Variants in CD80 observed in about 807,000 individuals in gnomAD.
CD80 encodes T-lymphocyte activation antigen CD80.
A neutral mutation model predicts 27.1 loss-of-function variants in CD80; 13 were observed. The observed-to-expected ratio is 0.48, with a 90% CI of 0.31 to 0.76. The LOEUF (loss-of-function observed/expected upper bound fraction) is 0.76, where lower values mean the gene tolerates loss of function less well. CD80 is among the 30% of genes least tolerant of loss of function. The pLI, the probability that CD80 is intolerant of heterozygous loss-of-function variation, is 0.04. For synonymous variants in CD80, 125 were observed against 125.5 expected (o/e 1.00, Z 0.03); for missense variants, 277 against 347.9 (o/e 0.80, Z 1.62).
intron 3 of CD80, among the ~76,000 whole-genome samples, chr3:119,541,207 C>A (rs148314374): frequency 1.1e-4 from 17 of 152,268 alleles, no homozygotes; most frequent in African/African-American, 4.1e-4. Flanking sequence ...CTTTGTATCT[C>A]ATTTTAATTA....
At chr3:119,558,397 C>A (rs550140057) in intron 1 of CD80, among the ~76,000 whole-genome samples, 1 of 152,166 alleles carries the variant, frequency 6.6e-6, no homozygotes, top group South Asian at 2.1e-4. Context: ...GGTATGAGAT[C>A]TCAATAACCA....
intron 4 of CD80, 131 bp downstream of exon 4, chr3:119,537,006 C>G: frequency 1.2e-6 from 1 of 862,366 alleles, no homozygotes; most frequent in Non-Finnish European, 1.9e-6. Context: ...TAAATACACT[C>G]TGATGTTCAG....
rs990050238 is a variant in CD80 at position 119,529,029 on chromosome 3, C to A, written c.796+813G>T. Among the ~76,000 whole-genome samples, 50 of 151,904 alleles carry A rather than the reference C, an allele frequency of 3.3e-4. 2 individuals carry two copies. Among genetic ancestry groups the A allele is most frequent in the Admixed American group, 3.2e-3 (49 of 15,258 alleles). ...TGATCTTGGCTCACTGCAGTCTCCGCCTCCTGGGTTCCTGGGTTCAAGCAA... is the reference window on the plus strand; with the variant it reads ...TGATCTTGGCTCACTGCAGTCTCCGACTCCTGGGTTCCTGGGTTCAAGCAA... On this transcript the variant is annotated intron_variant, in intron 5 of 6. Coordinates refer to ENST00000264246, the MANE Select transcript of CD80 (RefSeq NM_005191.4).
At chr3:119,554,669 C>T (rs1430177737) in intron 2 of CD80, among the ~76,000 whole-genome samples, 1 of 152,148 alleles carries the variant, frequency 6.6e-6, no homozygotes, top group African/African-American at 2.4e-5. Context: ...AGAGGAAGGC[C>T]TAGTGTGGCA....
chr3:119,538,579 C>A (rs1434960263), intron 3 of CD80, among the ~76,000 whole-genome samples: 2 of 152,170 alleles, frequency 1.3e-5, no homozygotes. Context: ...AGGGGCCTAC[C>A]CCTTTGCTCT....
chr3:119,553,720 C>T (rs918400934), intron 2 of CD80, among the ~76,000 whole-genome samples: 5 of 152,158 alleles, frequency 3.3e-5, no homozygotes, highest in Non-Finnish European at 4.4e-5. Context: ...CACCAAATGA[C>T]GGGACATACA....
intron 1 of CD80, 71 bp from the exon 2 acceptor site, chr3:119,557,999 T>C (rs1257056784): frequency 7.5e-6 from 2 of 265,522 alleles, no homozygotes; most frequent in Non-Finnish European, 1.4e-5. Flanking sequence ...AACTCTCGAG[T>C]TGCCTGCTAA....
chr3:119,525,599 C>T lies in CD80; in HGVS notation c.*189G>A, dbSNP rs965759186. ...ACCTTGATCAAGGTCACCAGAGCTA[C>T]TTCTGTGCCCACCATATTCCTCTAG... On this transcript the variant is annotated 3_prime_UTR_variant, in exon 7 of 7. Transcript: ENST00000264246. 2 of 152,538 alleles carry T rather than the reference C, an allele frequency of 1.3e-5. No individual in the cohort carries two copies. Among genetic ancestry groups the T allele is most frequent in the Non-Finnish European group, 2.9e-5 (2 of 68,024 alleles). 9.4% of individuals were successfully genotyped at this position (152,538 alleles called of 1,614,324 possible).
At chr3:119,527,556 C>T in intron 6 of CD80, 177 bp downstream of exon 6, 4 of 499,614 alleles carry the variant, frequency 8.0e-6, no homozygotes, top group South Asian at 4.2e-5. Context: ...TTACATTAAG[C>T]AAATTGCATA....
chr3:119,540,030 G>C (rs1356600811), intron 3 of CD80, among the ~76,000 whole-genome samples: 1 of 152,172 alleles, frequency 6.6e-6, no homozygotes, highest in Non-Finnish European at 1.5e-5. Flanking sequence ...CACCATCTTG[G>C]CTTACTGCAA....
At chr3:119,534,946 C>G (rs1021754154) in intron 4 of CD80, among the ~76,000 whole-genome samples, 1 of 152,148 alleles carries the variant, frequency 6.6e-6, no homozygotes, top group Non-Finnish European at 1.5e-5. Flanking sequence ...AATCTCCACA[C>G]TTTGGGAGGC....
At chr3:119,525,811 AATTT>A (rs1223236791) in intron 6 of CD80, 62 bp from the exon 7 acceptor site, 3 of 149,424 alleles carry the variant, frequency 2.0e-5, no homozygotes, top group African/African-American at 7.3e-5. Flanking sequence ...AAACATCTTA[AATTT>A]ATTTATATAT....
chr3:119,529,986 T>A (rs1279142332), intron 4 of CD80, 49 bp from the exon 5 acceptor site: 4 of 1,308,032 alleles, frequency 3.1e-6, no homozygotes, highest in Non-Finnish European at 4.4e-6. Flanking sequence ...TCCTACTGCC[T>A]GATACTCATT....
chr3:119,540,042 C>T (rs1341794084), intron 3 of CD80, among the ~76,000 whole-genome samples: 1 of 152,176 alleles, frequency 6.6e-6, no homozygotes, highest in Non-Finnish European at 1.5e-5. Context: ...TTACTGCAAC[C>T]TCCGGGTTCA....
chr3:119,554,565 G>GT (rs1278154381), intron 2 of CD80, among the ~76,000 whole-genome samples: 1 of 152,162 alleles, frequency 6.6e-6, no homozygotes, highest in Non-Finnish European at 1.5e-5. Flanking sequence ...AGCCTGGCTG[G>GT]TTCCACCCTG....
intron 3 of CD80, among the ~76,000 whole-genome samples, chr3:119,541,170 C>A (rs947323049): frequency 3.3e-5 from 5 of 152,128 alleles, no homozygotes; most frequent in African/African-American, 1.2e-4. Context: ...AGATTGTGAA[C>A]AATCAAAGAC....
At chr3:119,532,494 C>G (rs1490752887) in intron 4 of CD80, among the ~76,000 whole-genome samples, 1 of 103,040 alleles carries the variant, frequency 9.7e-6, no homozygotes, top group African/African-American at 3.5e-5. Context: ...CAGAAAAAGA[C>G]AAAGAAAAAA....
intron 2 of CD80, among the ~76,000 whole-genome samples, chr3:119,546,509 A>C (rs13064589): frequency 0.09 from 13,628 of 152,190 alleles, 809 homozygotes; most frequent in Non-Finnish European, 0.13. Flanking sequence ...TGAGATTCCA[A>C]GGGCCTATGA....
At position 119,524,465 on chromosome 3, in the gene CD80, G is replaced by A. The variant is rs1176250167; in HGVS notation, c.*1323C>T. The A allele has an allele frequency of 1.3e-5, 2 of 152,142 alleles. No homozygotes were observed. The highest frequency in any genetic ancestry group is 2.9e-5 in the Non-Finnish European group (2 of 68,026). 9.4% of individuals were successfully genotyped at this position (152,142 alleles called of 1,614,324 possible). ...CCTGTCAATACGGGAAACACTGCTA[G>A]TACCTTATGTTGGTGTTAGACCTCT... On this transcript the variant is annotated 3_prime_UTR_variant, in exon 7 of 7. Transcript: ENST00000264246.
Sources: allele counts gnomAD v4.1 joint callset (sites outside exome capture counted in the v4.1 genomes callset), GRCh38; gene constraint gnomAD v4.1.1; transcripts MANE v1.5; gene names NCBI Gene and HGNC (gene_info 2026-07-23, HGNC 2026-07-21).